The following CWC15 variants were observed in gnomAD, a reference collection of about 807,000 sequenced individuals.
The protein encoded by CWC15 is CWC15 spliceosome associated protein, also known as spliceosome-associated protein CWC15 homolog.
A neutral mutation model predicts 28.4 loss-of-function variants in CWC15; 12 were observed. The observed-to-expected ratio is 0.42, with a 90% CI of 0.27 to 0.69. The LOEUF (loss-of-function observed/expected upper bound fraction) is 0.69, where lower values mean the gene tolerates loss of function less well. CWC15 is among the 30% of genes least tolerant of loss of function. The pLI, the probability that CWC15 is intolerant of heterozygous loss-of-function variation, is 0.23. For missense variants in CWC15, 192 were observed against 271.5 expected (o/e 0.71, Z 2.06); for synonymous variants, 92 against 88.4 (o/e 1.04, Z -0.23).
chr11:94,972,135 T>C lies in CWC15; in HGVS notation c.51A>G (p.Gly17=), dbSNP rs1474190614. The change falls in exon 2 of 7, where the codon GGA becomes GGG. Residue 17 remains glycine (G), a synonymous_variant. Coordinates refer to ENST00000279839, the MANE Select transcript of CWC15 (RefSeq NM_016403.4). ...PTFEPARGGR[G]KGEGDLSQLS... ...GTTGGCTCAAATCACCTTCTCCTTT[T>C]CCCCTTCCACCTCTGGCAGGTTCAA... 5 of 1,613,762 alleles carry C rather than the reference T, an allele frequency of 3.1e-6. No homozygotes were observed. The highest frequency in any genetic ancestry group is 4.2e-6 in the Non-Finnish European group (5 of 1,179,824).
chr11:94,973,047 T>TGC (rs1555096459), intron 1 of CWC15, among the ~76,000 whole-genome samples: 1 of 103,236 alleles, frequency 9.7e-6, no homozygotes, highest in Admixed American at 1.0e-4. Flanking sequence ...GAGGATTTTT[T>TGC]GGGGGGGGGG....
chr11:94,966,143 C>T (rs1456790378), intron 6 of CWC15, among the ~76,000 whole-genome samples, 152 bp downstream of exon 6: 5 of 151,770 alleles, frequency 3.3e-5, no homozygotes, highest in East Asian at 1.9e-4. Context: ...AGTGAATGGA[C>T]GGTGGACTTT....
At chr11:94,973,238 C>T (rs1857754763) in intron 1 of CWC15, 1 of 152,368 alleles carries the variant, frequency 6.6e-6, no homozygotes, top group Non-Finnish European at 1.5e-5. Context: ...CCGTGCCCAG[C>T]ACTGCAGGGG....
At chr11:94,964,168 T>C (rs1351226052) in intron 6 of CWC15, among the ~76,000 whole-genome samples, 2 of 152,098 alleles carry the variant, frequency 1.3e-5, no homozygotes, top group East Asian at 1.9e-4. Flanking sequence ...ACATGTGTTA[T>C]AGAAAATAAA....
Position 94,972,059 on chromosome 11 carries a change from A to G in CWC15, c.127T>C (p.Tyr43His), listed in dbSNP as rs1167607498. The G allele has an allele frequency of 1.9e-6, 3 of 1,610,290 alleles. No individual in the cohort carries two copies. Among genetic ancestry groups the G allele is most frequent in the Non-Finnish European group, 2.5e-6 (3 of 1,178,832 alleles). ...RDLPSHTKIK[Y>H]RQTTQDAPEE... ...AAAAAAAGAAAGTCTTACTACCTGTATTTTATCTTTGTATGAGAGGGTAGG... is the reference window on the plus strand; with the variant it reads ...AAAAAAAGAAAGTCTTACTACCTGTGTTTTATCTTTGTATGAGAGGGTAGG... Residue 43 changes from tyrosine (Y) to histidine (H), a missense_variant, in exon 2 of 7, where the codon TAC becomes CAC. Coordinates refer to ENST00000279839, the MANE Select transcript of CWC15 (RefSeq NM_016403.4).
intron 6 of CWC15, among the ~76,000 whole-genome samples, chr11:94,963,721 C>T (rs1555094770): frequency 1.3e-5 from 2 of 152,102 alleles, no homozygotes; most frequent in African/African-American, 4.8e-5. Flanking sequence ...CTACTTAGAA[C>T]ATTAAAACAT....
intron 5 of CWC15, among the ~76,000 whole-genome samples, chr11:94,966,925 T>A (rs1371110519): frequency 1.3e-5 from 2 of 152,196 alleles, no homozygotes; most frequent in African/African-American, 2.4e-5. Context: ...TGACAAGTTA[T>A]GAATGAAGAA....
chr11:94,971,957 A>G (rs1484625126), intron 2 of CWC15, 98 bp downstream of exon 2: 10 of 1,072,264 alleles, frequency 9.3e-6, no homozygotes, highest in Middle Eastern at 2.4e-4. Context: ...ATGAAAATAG[A>G]TAAGTGACAT....
At position 94,971,397 on chromosome 11, in the gene CWC15, T is replaced by C. The variant is rs1555096202; in HGVS notation, c.222A>G (p.Lys74=). 1 of 1,612,572 alleles carries C rather than the reference T, an allele frequency of 6.2e-7. No individual in the cohort carries two copies. The highest frequency in any genetic ancestry group is 1.3e-5 in the African/African-American group (1 of 75,018). ...EERERAAARE[K]NRDRPTREHT... The stretch of plus-strand genomic sequence containing the variant: ...TACCTCGGGTTGGACGATCCCTATT[T>C]TTCTCTCTTGCAGCAGCTCTCTCTC... Residue 74 remains lysine (K), a synonymous_variant, in exon 3 of 7, where the codon AAA becomes AAG. Transcript: ENST00000279839.
intron 5 of CWC15, among the ~76,000 whole-genome samples, chr11:94,967,866 G>A (rs1857667393): frequency 6.6e-6 from 1 of 152,090 alleles, no homozygotes; most frequent in Non-Finnish European, 1.5e-5. Flanking sequence ...GATGCTTAAA[G>A]GGAAAAGATA....
intron 5 of CWC15, among the ~76,000 whole-genome samples, chr11:94,968,388 CCGCAAGAAATATCAA>C (rs1857674604): frequency 6.6e-6 from 1 of 152,196 alleles, no homozygotes; most frequent in South Asian, 2.1e-4. Context: ...TATCATTCAA[CCGCAAGAAATATCAA>C]CACATTTTAA....
chr11:94,971,612 T>C (rs1857723516), intron 2 of CWC15, 125 bp from the exon 3 acceptor site: 4 of 607,786 alleles, frequency 6.6e-6, no homozygotes, highest in Non-Finnish European at 8.6e-6. Flanking sequence ...AAAAGGGAAG[T>C]AGACAAGATC....
chr11:94,971,149 G>T, intron 3 of CWC15, 84 bp from the exon 4 acceptor site: 1 of 1,258,628 alleles, frequency 7.9e-7, no homozygotes, highest in Non-Finnish European at 1.2e-6. Context: ...AGCACAAGGA[G>T]CCCACATTAA....
chr11:94,969,885 T>C (rs7107185), intron 5 of CWC15, 104 bp downstream of exon 5: 283,537 of 575,498 alleles, frequency 0.49, 71,920 homozygotes, highest in Non-Finnish European at 0.53. Flanking sequence ...TTAGACACGG[T>C]AAAGGAGATT....
rs1555094710 is a variant in CWC15 at position 94,963,428 on chromosome 11, C to T, written c.647G>A (p.Arg216Gln). 1 of 1,582,070 alleles carries T rather than the reference C, an allele frequency of 6.3e-7. No homozygotes were observed. Among genetic ancestry groups the T allele is most frequent in the Non-Finnish European group, 8.6e-7 (1 of 1,161,766 alleles). ...KDKRFVNDTL[R>Q]SEFHKKFMEK... ...CATGAACTTTTTGTGAAATTCAGAT[C>T]GCAGTGTGTCATTTACAAATCTTTT... Residue 216 changes from arginine to glutamine, a missense_variant, in exon 7 of 7, where the codon CGA (arginine) becomes CAA (glutamine). Arg to Gln is a conservative substitution (Grantham distance 43). This residue lies in a region of CWC15 where 188 missense variants were observed against 250.3 expected (regional missense o/e 0.75). Transcript: ENST00000279839.
chr11:94,971,525 A>ACACAC, intron 2 of CWC15, 38 bp from the exon 3 acceptor site: 1 of 781,028 alleles, frequency 1.3e-6, no homozygotes, highest in Non-Finnish European at 2.1e-6. Flanking sequence ...ATGTTACTTA[A>ACACAC]ACACACACAC....
chr11:94,964,291 G>C (rs1016505714), intron 6 of CWC15, among the ~76,000 whole-genome samples: 2 of 152,012 alleles, frequency 1.3e-5, no homozygotes, highest in Non-Finnish European at 1.5e-5. Flanking sequence ...GTTTATGTGT[G>C]CATGCGCTTA....
Position 94,966,275 on chromosome 11 carries a change from A to T in CWC15, c.560+20T>A. 1.7e-6 allele frequency: 2 copies of T among 1,211,454 alleles called. No homozygotes were observed. Among genetic ancestry groups the T allele is most frequent in the Non-Finnish European group, 2.4e-6 (2 of 840,968 alleles). 75.0% of individuals were successfully genotyped at this position (1,211,454 alleles called of 1,614,324 possible). A position where few individuals can be genotyped will look rare whatever the true frequency, so the allele number is the denominator to read the frequency against. On this transcript the variant is annotated intron_variant, in intron 6 of 6. Coordinates refer to ENST00000279839, the MANE Select transcript of CWC15 (RefSeq NM_016403.4). ...CACACACACACACACACACTCCATT[A>T]CTCCGTTACTGTATAGTACCTTCTT...
At position 94,965,399 on chromosome 11, in the gene CWC15, A is replaced by G. The variant is rs1488059019; in HGVS notation, c.560+896T>C. Among the ~76,000 whole-genome samples, 9 of 152,172 alleles carry G rather than the reference A, an allele frequency of 5.9e-5. No homozygotes were observed. The East Asian group carries it at 1.7e-3, about 29-fold the overall frequency. ...ATCTGAAGGATTTACAGTATTTACA[A>G]CTTATATTTTCTCCCTTTTCAGCCC... is the stretch of plus-strand genomic sequence containing the variant. On this transcript the variant is annotated intron_variant, in intron 6 of 6. Coordinates refer to ENST00000279839, the MANE Select transcript of CWC15 (RefSeq NM_016403.4).
Sources: allele counts gnomAD v4.1 joint callset (sites outside exome capture counted in the v4.1 genomes callset), GRCh38; gene constraint gnomAD v4.1.1; regional missense constraint gnomAD v4.1.1; transcripts MANE v1.5; gene names NCBI Gene and HGNC (gene_info 2026-07-23, HGNC 2026-07-21).